Variants in GNAO1 observed in about 807,000 individuals in gnomAD.
The protein encoded by GNAO1 is guanine nucleotide-binding protein G(o) subunit alpha.
For synonymous variants in GNAO1, 164 were observed against 180.7 expected (o/e 0.91, Z 0.74); for missense variants, 166 against 478.7 (o/e 0.35, Z 6.10).
At chr16:56,344,549 C>T in intron 6 of GNAO1, 1 of 986,916 alleles carries the variant, frequency 1.0e-6, no homozygotes, top group Non-Finnish European at 1.2e-6. Context: ...CCTCCCTTGC[C>T]TTTGCTCTCC....
chr16:56,281,157 G>A (rs2037110631), intron 3 of GNAO1, among the ~76,000 whole-genome samples: 1 of 152,112 alleles, frequency 6.6e-6, no homozygotes, highest in African/African-American at 2.4e-5. Context: ...ATACAGTGTA[G>A]ACATGGAAGC....
intron 3 of GNAO1, among the ~76,000 whole-genome samples, chr16:56,303,099 G>A (rs755747922): frequency 2.0e-5 from 3 of 152,150 alleles, no homozygotes; most frequent in Non-Finnish European, 2.9e-5. Flanking sequence ...AAGTGGGGTC[G>A]GTGGAGAAGG....
intron 2 of GNAO1, chr16:56,192,838 G>A: frequency 1.8e-6 from 1 of 564,362 alleles, no homozygotes; most frequent in Non-Finnish European, 3.2e-6. Context: ...TTGGGAGGGG[G>A]AAGGGGAGCG....
At chr16:56,272,889 ACT>A (rs1305221038) in intron 2 of GNAO1, among the ~76,000 whole-genome samples, 3 of 151,960 alleles carry the variant, frequency 2.0e-5, no homozygotes, top group Non-Finnish European at 1.5e-5. Flanking sequence ...AGCATGAGAA[ACT>A]CAATGCACTG....
At chr16:56,195,103 C>A (rs1261103852) in intron 2 of GNAO1, among the ~76,000 whole-genome samples, 3 of 137,092 alleles carry the variant, frequency 2.2e-5, no homozygotes, top group Non-Finnish European at 3.1e-5. Context: ...TCCAACCTTA[C>A]AGGACACCTT....
chr16:56,350,895 A>G (rs774890390), intron 6 of GNAO1, among the ~76,000 whole-genome samples: 1 of 152,120 alleles, frequency 6.6e-6, no homozygotes, highest in Non-Finnish European at 1.5e-5. Context: ...CCCAACGCCC[A>G]CACACACAGG....
At chr16:56,286,682 G>A (rs1274078381) in intron 3 of GNAO1, among the ~76,000 whole-genome samples, 1 of 149,636 alleles carries the variant, frequency 6.7e-6, no homozygotes, top group African/African-American at 2.5e-5. Context: ...GTCTCTTTCT[G>A]TCTCTGTCGC....
intron 6 of GNAO1, among the ~76,000 whole-genome samples, chr16:56,349,233 C>T (rs2037900151): frequency 6.6e-6 from 1 of 152,218 alleles, no homozygotes; most frequent in African/African-American, 2.4e-5. Flanking sequence ...TCAGGTCACT[C>T]TAGTGGCTGC....
At chr16:56,346,194 C>A in intron 6 of GNAO1, 1 of 985,494 alleles carries the variant, frequency 1.0e-6, no homozygotes. Flanking sequence ...GAAATTCTCT[C>A]CCTGTGCATG....
intron 2 of GNAO1, among the ~76,000 whole-genome samples, chr16:56,228,482 A>T (rs2036556031): frequency 6.6e-6 from 1 of 151,524 alleles, no homozygotes; most frequent in Non-Finnish European, 1.5e-5. Context: ...TAGATTATGT[A>T]TATTAAAATA....
At chr16:56,316,405 T>C (rs1389630556) in intron 3 of GNAO1, among the ~76,000 whole-genome samples, 1 of 152,204 alleles carries the variant, frequency 6.6e-6, no homozygotes, top group Non-Finnish European at 1.5e-5. Context: ...AGAGGCTGTC[T>C]GTGCTTGAGC....
At chr16:56,296,279 C>T (rs2037287557) in intron 3 of GNAO1, among the ~76,000 whole-genome samples, 1 of 152,006 alleles carries the variant, frequency 6.6e-6, no homozygotes, top group African/African-American at 2.4e-5. Context: ...TTTTTAGACC[C>T]CCTTACTTGC....
At chr16:56,325,274 C>G (rs926678825) in intron 3 of GNAO1, among the ~76,000 whole-genome samples, 1 of 152,182 alleles carries the variant, frequency 6.6e-6, no homozygotes, top group Non-Finnish European at 1.5e-5. Flanking sequence ...GTTGGGAGTT[C>G]GAGACCAGCC....
At chr16:56,226,139 G>T (rs2143382761) in intron 2 of GNAO1, among the ~76,000 whole-genome samples, 1 of 152,216 alleles carries the variant, frequency 6.6e-6, no homozygotes, top group South Asian at 2.1e-4. Context: ...CTGTGGAGGG[G>T]CAAGAGAGGG....
chr16:56,313,290 C>A (rs1471126535), intron 3 of GNAO1, among the ~76,000 whole-genome samples: 2 of 151,814 alleles, frequency 1.3e-5, no homozygotes, highest in Admixed American at 6.5e-5. Flanking sequence ...TCAAGGACCC[C>A]AGTAAGCATT....
chr16:56,279,468 T>C (rs1476193456), intron 3 of GNAO1, among the ~76,000 whole-genome samples: 2 of 152,150 alleles, frequency 1.3e-5, no homozygotes, highest in African/African-American at 4.8e-5. Context: ...AGGGGCCCCA[T>C]GTACTCTCAC....
rs577003204 is a variant in GNAO1 at position 56,276,277 on chromosome 16, T to C, written c.303+205T>C. On this transcript the variant is annotated intron_variant, in intron 3 of 8. Transcript: ENST00000262493. ...CAGCAAACTCACCAACTTTGCAAGT[T>C]GCAGGGGCTACAAAACTCCCGGATT... 232 of 456,492 alleles carry C rather than the reference T, an allele frequency of 5.1e-4. 3 individuals are homozygous for C. The South Asian group carries it at 9.7e-3, about 19-fold the overall frequency. The allele number at this position is 456,492 out of a possible 1,614,324, so 28.3% of individuals were successfully genotyped here.
chr16:56,281,854 C>T (rs1228387630), intron 3 of GNAO1, among the ~76,000 whole-genome samples: 1 of 152,200 alleles, frequency 6.6e-6, no homozygotes, highest in Non-Finnish European at 1.5e-5. Flanking sequence ...ATGGGGAAAG[C>T]TTTGAACAAG....
intron 2 of GNAO1, among the ~76,000 whole-genome samples, chr16:56,220,741 G>T (rs989296149): frequency 4.0e-5 from 6 of 151,572 alleles, no homozygotes; most frequent in Admixed American, 1.3e-4. Flanking sequence ...TGGGTTTTTT[G>T]TTGTTGTTGT....
Sources: gnomAD v4.1 joint callset for allele counts (sites outside exome capture counted in the v4.1 genomes callset) on GRCh38, gnomAD v4.1.1 for gene constraint, MANE v1.5 for transcripts, NCBI Gene and HGNC (gene_info 2026-07-23, HGNC 2026-07-21) for gene names.